ZNF75D: variants seen among roughly 807,000 people sequenced by gnomAD.
ZNF75D encodes the protein zinc finger protein 75D.
A neutral mutation model predicts 33.3 loss-of-function variants in ZNF75D; 33 were observed. The ratio of observed to expected loss-of-function variants is 0.99; its 90% CI spans 0.75 to 1.32. ZNF75D has a LOEUF of 1.32. Ranked by LOEUF, ZNF75D falls within the 40% of genes most tolerant of loss-of-function variation. The pLI, the probability that ZNF75D is intolerant of heterozygous loss-of-function variation, is 0.00. For synonymous variants in ZNF75D, 113 were observed against 130.6 expected, an observed-to-expected ratio of 0.87 and a Z score of 0.92; for missense variants, 338 against 367.5, an observed-to-expected ratio of 0.92 and a Z score of 0.66.
intron 1 of ZNF75D, among the ~76,000 whole-genome samples, chrX:135,313,932 C>G: frequency 9.0e-6 from 1 of 111,729 alleles, no homozygotes; most frequent in African/African-American, 3.2e-5. Flanking sequence ...ATGTCACCTG[C>G]AAAGAGGAAC....
chrX:135,280,414 A>G (rs1165911577), intron 1 of ZNF75D, among the ~76,000 whole-genome samples: 2 of 111,803 alleles, frequency 1.8e-5, no homozygotes, highest in African/African-American at 6.5e-5. Context: ...TGAATACAGT[A>G]CAGTGATGGA....
At position 135,271,440 on chromosome X, in the gene ZNF75D, G is replaced by A. The variant is rs140444907; in HGVS notation, n.828-15663C>T. On this transcript the variant is annotated intron_variant and non_coding_transcript_variant, in intron 1 of 3. Coordinates refer to the ZNF75D transcript ENST00000494295. ...TAATGGGTGTTTGATAAATATTAAG[G>A]AGGTATTAAAATAGTGCCTCTCATT... Among the ~76,000 whole-genome samples the A allele has an allele frequency of 5.6e-3, 622 of 111,647 alleles. 3 individuals carry two copies. The highest frequency in any genetic ancestry group is 0.019 in the African/African-American group (583 of 30,710).
intron 1 of ZNF75D, among the ~76,000 whole-genome samples, chrX:135,308,847 G>A (rs1177602076): frequency 3.6e-5 from 4 of 112,162 alleles, no homozygotes; most frequent in African/African-American, 1.3e-4. Flanking sequence ...TTTGGAGTAA[G>A]ATCCATACCT....
At chrX:135,293,015 C>A (rs4325062) in intron 3 of ZNF75D, among the ~76,000 whole-genome samples, 23,362 of 110,632 alleles carry the variant, frequency 0.21, 2,037 homozygotes, top group Middle Eastern at 0.37. Context: ...TAATAAGACA[C>A]CAAAAATATG....
intron 1 of ZNF75D, among the ~76,000 whole-genome samples, chrX:135,270,023 T>C (rs1442207603): frequency 1.8e-5 from 2 of 110,495 alleles, no homozygotes; most frequent in Non-Finnish European, 3.8e-5. Flanking sequence ...TTCTCATTTA[T>C]GTATATGGTC....
At chrX:135,308,354 G>A (rs2084314833) in intron 1 of ZNF75D, among the ~76,000 whole-genome samples, 1 of 112,123 alleles carries the variant, frequency 8.9e-6, no homozygotes, top group African/African-American at 3.2e-5. Context: ...AGAAACCTGA[G>A]TGGTCTGACA....
intron 1 of ZNF75D, among the ~76,000 whole-genome samples, chrX:135,300,646 C>G (rs1307078396): frequency 9.1e-6 from 1 of 109,446 alleles, no homozygotes; most frequent in African/African-American, 3.3e-5. Flanking sequence ...ACTCGGGAGG[C>G]TGAGGCAGGA....
At position 135,291,268 on chromosome X, in the gene ZNF75D, G is replaced by C. The variant is rs1321855029; in HGVS notation, c.697-133C>G. On this transcript the variant is annotated intron_variant, in intron 5 of 6. Transcript: ENST00000370766. ...AAGATTTAGGGGAAAAAAGTGAGAA[G>C]GCAGAAAGGAAGGAGCAAAGAGGAT... is the stretch of plus-strand genomic sequence containing the variant. The C allele has an allele frequency of 1.6e-5, 14 of 889,109 alleles. No individual in the cohort carries two copies. In the African/African-American group the frequency reaches 2.6e-4, roughly 17 times the overall value. 73.3% of individuals were successfully genotyped at this position (889,109 alleles called of 1,213,427 possible). A position where few individuals can be genotyped will look rare whatever the true frequency, so the allele number is the denominator to read the frequency against.
intron 1 of ZNF75D, among the ~76,000 whole-genome samples, chrX:135,339,281 C>G (rs1556443773): frequency 8.9e-6 from 1 of 112,072 alleles, no homozygotes; most frequent in African/African-American, 3.2e-5. Context: ...GCTACATACT[C>G]TGAACCATTC....
chrX:135,284,935 T>G (rs1340356614), downstream of ZNF75D, among the ~76,000 whole-genome samples: 1 of 111,725 alleles, frequency 9.0e-6, no homozygotes, highest in Non-Finnish European at 1.9e-5. Context: ...ATAAATTTAT[T>G]TGAATGGTGG....
At chrX:135,275,916 T>TTC (rs1474678058) in intron 1 of ZNF75D, among the ~76,000 whole-genome samples, 10 of 111,721 alleles carry the variant, frequency 9.0e-5, no homozygotes, top group African/African-American at 3.2e-4. Context: ...TGAGTCATAT[T>TTC]TCTCTCTCTG....
chrX:135,299,905 G>A (rs1556424172), intron 1 of ZNF75D, among the ~76,000 whole-genome samples: 1 of 111,865 alleles, frequency 8.9e-6, no homozygotes, highest in Non-Finnish European at 1.9e-5. Flanking sequence ...TGGCACCCTT[G>A]GTGAAAATCA....
chrX:135,260,798 T>A lies in ZNF75D; in HGVS notation n.828-5021A>T, dbSNP rs183437377. ...AAGGGTTTTTTGTGTCTCTATCTCC[T>A]TCAGTTCTGCTCTGATCTTAGTTAT... On this transcript the variant is annotated intron_variant and non_coding_transcript_variant, in intron 1 of 3. Transcript: ENST00000494295. Among the ~76,000 whole-genome samples the A allele has an allele frequency of 6.8e-4, 76 of 112,206 alleles. No homozygotes were observed. In the East Asian group the frequency reaches 0.014, roughly 21 times the overall value.
At chrX:135,293,380 CT>C (rs1488605693) in intron 3 of ZNF75D, among the ~76,000 whole-genome samples, 1 of 111,692 alleles carries the variant, frequency 9.0e-6, no homozygotes, top group Non-Finnish European at 1.9e-5. Context: ...TGCTGCCCAT[CT>C]TGTGGATCTT....
intron 1 of ZNF75D, among the ~76,000 whole-genome samples, chrX:135,269,496 T>A (rs1429265341): frequency 8.9e-6 from 1 of 112,009 alleles, no homozygotes; most frequent in African/African-American, 3.2e-5. Flanking sequence ...TATGAAAAGG[T>A]CCTCAACATC....
chrX:135,306,438 T>C (rs1265566141), intron 1 of ZNF75D, among the ~76,000 whole-genome samples: 2 of 112,302 alleles, frequency 1.8e-5, no homozygotes, highest in African/African-American at 6.5e-5. Context: ...AATATCTTTG[T>C]TGGCCCATGA....
intron 1 of ZNF75D, among the ~76,000 whole-genome samples, chrX:135,323,495 CAT>C (rs1367947685): frequency 1.8e-5 from 2 of 112,060 alleles, no homozygotes; most frequent in Admixed American, 9.4e-5. Flanking sequence ...GCTCTTCCTC[CAT>C]ATGAGTGACC....
At chrX:135,280,497 A>C (rs782618432) in intron 1 of ZNF75D, among the ~76,000 whole-genome samples, 1 of 111,658 alleles carries the variant, frequency 9.0e-6, no homozygotes, top group African/African-American at 3.3e-5. Context: ...ATTTAAGGTT[A>C]ATATTTTTAT....
Position 135,287,396 on chromosome X carries a change from C to G in ZNF75D, c.1274G>C (p.Trp425Ser). ...GTTATGACTAAAGCTTTTCCCACAC[C>G]ATGAGCATCTATATGGTTTTATTCC... ...HQGIKPYRCS[W>S]CGKSFSHNTN... The change falls in exon 7 of 7, where the codon TGG becomes TCG. Residue 425 changes from tryptophan (W) to serine (S), a missense_variant. This residue lies in a region of ZNF75D where 79 missense variants were observed against 80.1 expected (regional missense o/e 0.99). Coordinates refer to ENST00000370766, the MANE Select transcript of ZNF75D (RefSeq NM_007131.5). 1.7e-6 allele frequency: 2 copies of G among 1,211,476 alleles called. No individual in the cohort carries two copies. The highest frequency in any genetic ancestry group is 3.5e-5 in the South Asian group (2 of 56,941).
Sources: allele counts gnomAD v4.1 joint callset (sites outside exome capture counted in the v4.1 genomes callset), GRCh38; gene constraint gnomAD v4.1.1; regional missense constraint gnomAD v4.1.1; transcripts MANE v1.5; gene names NCBI Gene and HGNC (gene_info 2026-07-23, HGNC 2026-07-21).